NPR3: variants seen among roughly 807,000 people sequenced by gnomAD.
NPR3 encodes atrial natriuretic peptide receptor 3.
A neutral mutation model predicts 54.5 loss-of-function variants in NPR3; 34 were observed. That is an observed-to-expected ratio of 0.62 (90% CI 0.47 to 0.83). The LOEUF (loss-of-function observed/expected upper bound fraction) is 0.83, where lower values mean the gene tolerates loss of function less well. NPR3 is among the 40% of genes least tolerant of loss of function. NPR3 has a pLI of 0.00. For missense variants in NPR3, 674 were observed against 720.8 expected (o/e 0.94, Z 0.74); for synonymous variants, 289 against 297.1 (o/e 0.97, Z 0.28).
chr5:32,715,541 T>C (rs938558960), intron 1 of NPR3, among the ~76,000 whole-genome samples: 22 of 152,230 alleles, frequency 1.4e-4, no homozygotes, highest in African/African-American at 5.1e-4. Context: ...TAAAATCTTT[T>C]TTTTTCCTGT....
chr5:32,747,523 T>G (rs2111972649), intron 3 of NPR3, among the ~76,000 whole-genome samples: 1 of 152,294 alleles, frequency 6.6e-6, no homozygotes. Context: ...GTTTTTTATT[T>G]GCTTCTGTGC....
At chr5:32,725,563 A>G (rs1284290411) in intron 2 of NPR3, among the ~76,000 whole-genome samples, 3 of 152,206 alleles carry the variant, frequency 2.0e-5, no homozygotes, top group East Asian at 3.9e-4. Context: ...GCACATTGCA[A>G]TCATCATGAT....
At chr5:32,748,660 G>T (rs1397246122) in intron 3 of NPR3, among the ~76,000 whole-genome samples, 3 of 152,186 alleles carry the variant, frequency 2.0e-5, no homozygotes, top group African/African-American at 7.2e-5. Context: ...AGCTGACAGG[G>T]AAAGGGACCT....
At chr5:32,710,849 C>T, upstream of NPR3, 1 of 1,215,736 alleles carries the variant, frequency 8.2e-7, no homozygotes. Flanking sequence ...ATCCCTTTCC[C>T]CCAGTCCTGG....
chr5:32,754,826 G>A (rs1740749766), intron 3 of NPR3, among the ~76,000 whole-genome samples: 1 of 152,070 alleles, frequency 6.6e-6, no homozygotes, highest in Non-Finnish European at 1.5e-5. Context: ...ACTGGTGTTG[G>A]AAAGCTGTGT....
intron 1 of NPR3, among the ~76,000 whole-genome samples, chr5:32,699,805 G>C (rs1353093221): frequency 2.0e-5 from 3 of 152,154 alleles, no homozygotes; most frequent in Non-Finnish European, 4.4e-5. Flanking sequence ...TGTACCTTCA[G>C]ATGGTTTCTT....
intron 3 of NPR3, among the ~76,000 whole-genome samples, chr5:32,771,830 G>A (rs1561126068): frequency 6.6e-6 from 1 of 152,104 alleles, no homozygotes; most frequent in Non-Finnish European, 1.5e-5. Flanking sequence ...AAGTAAGAAG[G>A]GAATTTGATC....
At chr5:32,710,871 T>TTG, upstream of NPR3, 1 of 1,245,670 alleles carries the variant, frequency 8.0e-7, no homozygotes, top group African/African-American at 1.8e-5. Flanking sequence ...TTTTTTTTTT[T>TTG]TTTGCACGGT....
At chr5:32,719,605 TC>T (rs1410455353) in intron 1 of NPR3, among the ~76,000 whole-genome samples, 1 of 152,178 alleles carries the variant, frequency 6.6e-6, no homozygotes. Flanking sequence ...TCAATAGGCC[TC>T]TTTTATCCAG....
intron 1 of NPR3, among the ~76,000 whole-genome samples, chr5:32,691,801 A>G (rs1277172655): frequency 6.6e-6 from 1 of 152,270 alleles, no homozygotes; most frequent in Middle Eastern, 3.2e-3. Flanking sequence ...GAAATAGCAT[A>G]GGTGTCAAAA....
At chr5:32,771,680 C>G (rs147884338) in intron 3 of NPR3, among the ~76,000 whole-genome samples, 1 of 152,026 alleles carries the variant, frequency 6.6e-6, no homozygotes, top group African/African-American at 2.4e-5. Flanking sequence ...GGGTGATGCC[C>G]GGTGGCTGGT....
chr5:32,729,400 T>A (rs928930709), intron 2 of NPR3, among the ~76,000 whole-genome samples: 1 of 152,200 alleles, frequency 6.6e-6, no homozygotes, highest in African/African-American at 2.4e-5. Context: ...GTTGTTATGT[T>A]GATGCTCAAA....
chr5:32,726,905 A>T (rs996862634), intron 2 of NPR3, among the ~76,000 whole-genome samples: 4 of 152,330 alleles, frequency 2.6e-5, no homozygotes, highest in African/African-American at 9.6e-5. Context: ...CATACTATTT[A>T]TGGTATGGCT....
intron 2 of NPR3, among the ~76,000 whole-genome samples, chr5:32,736,784 T>C (rs1329503744): frequency 6.6e-6 from 1 of 152,016 alleles, no homozygotes; most frequent in Admixed American, 6.6e-5. Context: ...TCTGGGAGGT[T>C]TCGTGGGAGA....
At chr5:32,767,122 C>T (rs577106825) in intron 3 of NPR3, among the ~76,000 whole-genome samples, 9 of 152,244 alleles carry the variant, frequency 5.9e-5, no homozygotes, top group Admixed American at 1.3e-4. Context: ...TCACAGCATA[C>T]ATGCTCACTT....
chr5:32,718,152 A>G (rs1177360034), intron 1 of NPR3, among the ~76,000 whole-genome samples: 1 of 152,084 alleles, frequency 6.6e-6, no homozygotes, highest in Non-Finnish European at 1.5e-5. Context: ...ATGGTTGTAG[A>G]TGTGTGGCAT....
chr5:32,784,877 T>A lies in NPR3; in HGVS notation c.1508T>A (p.Phe503Tyr). ...GCTGGCTTGCTAATGGCCTTCTACT[T>A]TTTCAGGTGAGGACGGTTTGTAAAG... is the stretch of plus-strand genomic sequence containing the variant. ...LGAGLLMAFYFFRKKYRITIE... is the reference protein window; with the variant it reads ...LGAGLLMAFYYFRKKYRITIE... The change falls in exon 7 of 8, where the codon TTT becomes TAT. Residue 503 changes from phenylalanine (F) to tyrosine (Y), a missense_variant. Phe to Tyr is a conservative substitution (Grantham distance 22). Transcript: ENST00000265074. 1 of 1,612,446 alleles carries A rather than the reference T, an allele frequency of 6.2e-7. No homozygotes were observed. Among genetic ancestry groups the A allele is most frequent in the Non-Finnish European group, 8.5e-7 (1 of 1,178,524 alleles).
intron 3 of NPR3, among the ~76,000 whole-genome samples, chr5:32,773,624 G>A (rs905299535): frequency 6.6e-6 from 1 of 152,044 alleles, no homozygotes; most frequent in South Asian, 2.1e-4. Context: ...AACTCAGTTC[G>A]ACTTTTTTTC....
At position 32,712,466 on chromosome 5, in the gene NPR3, C is replaced by T; in HGVS notation, c.690C>T (p.His230=). 6.2e-7 allele frequency: 1 copy of T among 1,603,268 alleles called. No homozygotes were observed. Among genetic ancestry groups the T allele is most frequent in the Non-Finnish European group, 8.5e-7 (1 of 1,176,488 alleles). ...AGGTCTTCCAGGAGGAGGGTTTGCA[C>T]ACGTCCATCTACAGTTTCGACGAGA... The part of the protein sequence containing the change: ...VHEVFQEEGL[H]TSIYSFDETK... Residue 230 remains histidine, a synonymous_variant, in exon 1 of 8, where the codon CAC becomes CAT. Transcript: ENST00000265074.
Sources: allele counts gnomAD v4.1 joint callset (sites outside exome capture counted in the v4.1 genomes callset), GRCh38; gene constraint gnomAD v4.1.1; transcripts MANE v1.5; gene names NCBI Gene and HGNC (gene_info 2026-07-23, HGNC 2026-07-21).